MCU: variants seen among roughly 807,000 people sequenced by gnomAD.
MCU encodes mitochondrial calcium uniporter.
Under a neutral mutation model 45.2 loss-of-function variants are expected in MCU, and 12 were observed. The ratio of observed to expected loss-of-function variants is 0.27; its 90% confidence interval spans 0.17 to 0.43. The LOEUF (loss-of-function observed/expected upper bound fraction) is 0.43, where lower values mean the gene tolerates loss of function less well. MCU is among the 20% of genes least tolerant of loss of function. MCU has a pLI of 1.00. For synonymous variants in MCU, 160 were observed against 165.1 expected (o/e 0.97, Z 0.24); for missense variants, 324 against 436.7 (o/e 0.74, Z 2.30).
At chr10:72,725,349 A>G (rs1021286512) in intron 1 of MCU, among the ~76,000 whole-genome samples, 3 of 151,844 alleles carry the variant, frequency 2.0e-5, no homozygotes, top group Non-Finnish European at 4.4e-5. Flanking sequence ...GATAGCCTCG[A>G]TCTCCTGACC....
At chr10:72,748,434 T>G (rs532676688) in intron 1 of MCU, among the ~76,000 whole-genome samples, 1 of 152,098 alleles carries the variant, frequency 6.6e-6, no homozygotes, top group Non-Finnish European at 1.5e-5. Flanking sequence ...GTTCTGCATT[T>G]TGTTATCTTT....
chr10:72,843,314 C>G (rs557654936), intron 2 of MCU, among the ~76,000 whole-genome samples: 19 of 152,268 alleles, frequency 1.2e-4, no homozygotes, highest in African/African-American at 4.6e-4. Context: ...TTCATGTCTC[C>G]CTTCTCCCTA....
intron 1 of MCU, among the ~76,000 whole-genome samples, chr10:72,780,260 T>TAG (rs1387017262): frequency 1.3e-5 from 2 of 151,958 alleles, no homozygotes; most frequent in Admixed American, 1.3e-4. Flanking sequence ...AGGGCCTGGG[T>TAG]AGAGGATAAT....
At position 72,698,894 on chromosome 10, in the gene MCU, C is replaced by G. The variant is rs151320189; in HGVS notation, c.150+6593C>G. Among the ~76,000 whole-genome samples, 515 of 152,228 alleles carry G rather than the reference C, an allele frequency of 3.4e-3. 3 individuals carry two copies. The highest frequency in any genetic ancestry group is 0.011 in the African/African-American group (466 of 41,552). Reference sequence around the variant, plus strand: ...TCATGGCTCACCGCAGCCTTGAACTCCTGGGCTTAAGTGATCCTCCGACCT... The same window carrying G: ...TCATGGCTCACCGCAGCCTTGAACTGCTGGGCTTAAGTGATCCTCCGACCT... On this transcript the variant is annotated intron_variant, in intron 1 of 7. Transcript: ENST00000373053.
At chr10:72,764,518 T>G (rs1843698544) in intron 1 of MCU, among the ~76,000 whole-genome samples, 1 of 152,210 alleles carries the variant, frequency 6.6e-6, no homozygotes, top group Non-Finnish European at 1.5e-5. Context: ...TTTGAGCACA[T>G]GTGCCCAAAT....
chr10:72,779,534 TGTTA>T (rs1364065311), intron 1 of MCU, among the ~76,000 whole-genome samples: 2 of 152,190 alleles, frequency 1.3e-5, no homozygotes, highest in African/African-American at 4.8e-5. Context: ...ATCATTTATT[TGTTA>T]GAGGACTTGC....
intron 1 of MCU, among the ~76,000 whole-genome samples, chr10:72,799,243 A>T (rs951158285): frequency 6.6e-6 from 1 of 152,160 alleles, no homozygotes; most frequent in African/African-American, 2.4e-5. Context: ...TTCTTTTTAA[A>T]AGCTATGTAG....
At chr10:72,809,092 A>T (rs4454639) in intron 1 of MCU, among the ~76,000 whole-genome samples, 8,026 of 152,294 alleles carry the variant, frequency 0.053, 711 homozygotes, top group African/African-American at 0.18. Context: ...TGACTGGTGC[A>T]TTCTGATGGA....
intron 1 of MCU, among the ~76,000 whole-genome samples, chr10:72,832,510 A>G (rs1486981568): frequency 3.3e-5 from 5 of 152,206 alleles, no homozygotes; most frequent in Non-Finnish European, 7.4e-5. Flanking sequence ...TTACATGAGG[A>G]AAAAAGAGCC....
At chr10:72,752,115 A>G (rs1200503480) in intron 1 of MCU, among the ~76,000 whole-genome samples, 1 of 152,168 alleles carries the variant, frequency 6.6e-6, no homozygotes, top group Admixed American at 6.5e-5. Flanking sequence ...CTGGGATTAC[A>G]GGTGTGAGCC....
intron 1 of MCU, among the ~76,000 whole-genome samples, chr10:72,809,328 C>G (rs938350129): frequency 1.3e-5 from 2 of 152,156 alleles, no homozygotes; most frequent in African/African-American, 4.8e-5. Context: ...GATTCAAATC[C>G]ATTTGTGACT....
At chr10:72,780,890 C>T (rs569172674) in intron 1 of MCU, among the ~76,000 whole-genome samples, 2 of 152,146 alleles carry the variant, frequency 1.3e-5, no homozygotes, top group African/African-American at 2.4e-5. Flanking sequence ...ATTCTGCAAA[C>T]GTAACACAAA....
chr10:72,782,432 G>A lies in MCU; in HGVS notation c.151-51927G>A, dbSNP rs566735642. ...GTCACCTGGGCTGGGGTGCAGTGGCGCAGTCTCGGCTCACTGCAACCTCTG... is the reference window on the plus strand; with the variant it reads ...GTCACCTGGGCTGGGGTGCAGTGGCACAGTCTCGGCTCACTGCAACCTCTG... On this transcript the variant is annotated intron_variant, in intron 1 of 7. Coordinates refer to ENST00000373053, the MANE Select transcript of MCU (RefSeq NM_138357.3). 1.1e-4 allele frequency among the ~76,000 whole-genome samples: 16 copies of A among 152,246 alleles called. 1 individual carries two copies. The South Asian group carries it at 2.5e-3, about 24-fold the overall frequency.
At chr10:72,874,411 A>G (rs1845590128) in intron 6 of MCU, among the ~76,000 whole-genome samples, 1 of 152,220 alleles carries the variant, frequency 6.6e-6, no homozygotes, top group Non-Finnish European at 1.5e-5. Flanking sequence ...GAGACATCGG[A>G]AAAGCTTTTT....
At chr10:72,702,227 G>A (rs1269800736) in intron 1 of MCU, among the ~76,000 whole-genome samples, 1 of 151,024 alleles carries the variant, frequency 6.6e-6, no homozygotes, top group Non-Finnish European at 1.5e-5. Flanking sequence ...CTCCAGCCTG[G>A]GCGACAGAGC....
intron 1 of MCU, among the ~76,000 whole-genome samples, chr10:72,827,184 T>C (rs961417726): frequency 2.6e-5 from 4 of 152,234 alleles, no homozygotes; most frequent in Non-Finnish European, 4.4e-5. Context: ...TAAATCTGTA[T>C]GCTGCTTTGA....
chr10:72,862,411 C>T (rs879892289), intron 4 of MCU, among the ~76,000 whole-genome samples: 3 of 152,150 alleles, frequency 2.0e-5, no homozygotes, highest in Non-Finnish European at 2.9e-5. Flanking sequence ...ACCTTTTTGG[C>T]ACCAGGGACC....
chr10:72,757,223 G>A (rs538271459), intron 1 of MCU, among the ~76,000 whole-genome samples: 1 of 152,232 alleles, frequency 6.6e-6, no homozygotes, highest in Non-Finnish European at 1.5e-5. Context: ...AAAGAGCTGA[G>A]AGCCAAATAG....
At chr10:72,781,920 A>G (rs1015562710) in intron 1 of MCU, among the ~76,000 whole-genome samples, 1 of 152,176 alleles carries the variant, frequency 6.6e-6, no homozygotes, top group African/African-American at 2.4e-5. Flanking sequence ...CTTTGTGGCC[A>G]TGAATAGGCT....
Sources: allele counts gnomAD v4.1 joint callset (sites outside exome capture counted in the v4.1 genomes callset), GRCh38; gene constraint gnomAD v4.1.1; transcripts MANE v1.5; gene names NCBI Gene and HGNC (gene_info 2026-07-23, HGNC 2026-07-21).